The following CACNA2D3 variants were observed in gnomAD, a reference collection of about 807,000 sequenced individuals.
CACNA2D3 encodes the protein voltage-dependent calcium channel subunit alpha-2/delta-3.
In CACNA2D3, 60 loss-of-function variants were observed where a neutral mutation model predicts 160.6. The observed-to-expected ratio is 0.37, with a 90% CI of 0.30 to 0.46. The LOEUF is 0.46. CACNA2D3 is among the 20% of genes least tolerant of loss of function. CACNA2D3 has a pLI of 1.00. For missense variants in CACNA2D3, 1,205 were observed against 1,365.0 expected (o/e 0.88, Z 1.85); for synonymous variants, 558 against 492.9 (o/e 1.13, Z -1.75).
chr3:55,033,700 AT>A (rs1703729423), intron 35 of CACNA2D3, among the ~76,000 whole-genome samples: 1 of 52,518 alleles, frequency 1.9e-5, no homozygotes, highest in African/African-American at 5.0e-5. Context: ...CCCTTAAAAA[AT>A]ATATATAATA....
chr3:54,495,612 G>C (rs1701191354), intron 4 of CACNA2D3, among the ~76,000 whole-genome samples: 1 of 152,138 alleles, frequency 6.6e-6, no homozygotes, highest in Admixed American at 6.5e-5. Flanking sequence ...AGCAGGGTGT[G>C]GTGGTGCACA....
chr3:54,980,726 T>G (rs896643849), intron 29 of CACNA2D3, among the ~76,000 whole-genome samples: 2 of 152,114 alleles, frequency 1.3e-5, no homozygotes, highest in African/African-American at 4.8e-5. Flanking sequence ...TTATCTAGAG[T>G]CTAATGCTGC....
chr3:55,034,128 A>G (rs555066654), intron 35 of CACNA2D3, among the ~76,000 whole-genome samples: 6 of 151,368 alleles, frequency 4.0e-5, no homozygotes, highest in East Asian at 1.9e-4. Context: ...ATCCTTGGGG[A>G]AAAAAAATGC....
intron 27 of CACNA2D3, among the ~76,000 whole-genome samples, chr3:54,938,088 G>C (rs1701374914): frequency 6.6e-6 from 1 of 152,188 alleles, no homozygotes; most frequent in Non-Finnish European, 1.5e-5. Context: ...CTTTGATGTG[G>C]AGTTGGCAGT....
chr3:54,485,844 C>T (rs1701007623), intron 4 of CACNA2D3, among the ~76,000 whole-genome samples: 1 of 152,112 alleles, frequency 6.6e-6, no homozygotes, highest in Non-Finnish European at 1.5e-5. Flanking sequence ...GATTATAGGT[C>T]TGAGTGCCCG....
intron 27 of CACNA2D3, among the ~76,000 whole-genome samples, chr3:54,950,220 A>G (rs1172446845): frequency 6.6e-6 from 1 of 152,228 alleles, no homozygotes; most frequent in Non-Finnish European, 1.5e-5. Flanking sequence ...AAACTTCAAC[A>G]TGCTCAAGCA....
At chr3:54,711,831 G>A (rs938336025) in intron 11 of CACNA2D3, among the ~76,000 whole-genome samples, 9 of 152,194 alleles carry the variant, frequency 5.9e-5, no homozygotes, top group Admixed American at 4.6e-4. Context: ...TTGCCACTTG[G>A]AGTAGCTCCC....
intron 21 of CACNA2D3, among the ~76,000 whole-genome samples, chr3:54,881,491 T>C (rs1221562215): frequency 6.6e-6 from 1 of 152,248 alleles, no homozygotes; most frequent in African/African-American, 2.4e-5. Context: ...GCAGTTGTTA[T>C]AGCTCTTTAA....
At chr3:54,449,350 AC>A (rs1338526409) in intron 4 of CACNA2D3, among the ~76,000 whole-genome samples, 1 of 152,238 alleles carries the variant, frequency 6.6e-6, no homozygotes, top group Non-Finnish European at 1.5e-5. Flanking sequence ...TTAGGGCAAG[AC>A]AAGTTTACTC....
At position 54,221,485 on chromosome 3, in the gene CACNA2D3, T is replaced by A. The variant is rs577232675; in HGVS notation, c.204+97891T>A. ...TGCCTTTAACAAGAACCATTTGCGG[T>A]TGTTCCAAATGTGAACATTACATCT... is the stretch of plus-strand genomic sequence containing the variant. On this transcript the variant is annotated intron_variant, in intron 2 of 37. Coordinates refer to ENST00000474759, the MANE Select transcript of CACNA2D3 (RefSeq NM_018398.3). 2.1e-3 allele frequency among the ~76,000 whole-genome samples: 314 copies of A among 152,378 alleles called. 3 individuals are homozygous for A. The highest frequency in any genetic ancestry group is 1.3e-3 in the East Asian group (7 of 5,190).
At position 54,714,999 on chromosome 3, in the gene CACNA2D3, T is replaced by A. The variant is rs573816206; in HGVS notation, c.1168-37600T>A. ...ATCAACTGTCCAGCAGATTCTCCAG[T>A]AGATACGATACCAGCTGGGTTTCCT... is the stretch of plus-strand genomic sequence containing the variant. On this transcript the variant is annotated intron_variant, in intron 11 of 37. Coordinates refer to ENST00000474759, the MANE Select transcript of CACNA2D3 (RefSeq NM_018398.3). Among the ~76,000 whole-genome samples the A allele has an allele frequency of 7.1e-4, 108 of 152,226 alleles. 1 individual carries two copies. Among genetic ancestry groups the A allele is most frequent in the Non-Finnish European group, 2.2e-4 (15 of 68,038 alleles).
At chr3:54,603,313 C>G (rs903094250) in intron 9 of CACNA2D3, among the ~76,000 whole-genome samples, 1 of 152,196 alleles carries the variant, frequency 6.6e-6, no homozygotes, top group Non-Finnish European at 1.5e-5. Flanking sequence ...CAAAAGTGCT[C>G]AACTGTTTTC....
rs150805292 is a variant in CACNA2D3, at chr3:55,005,572, G to T, written c.2766+734G>T. 4.6e-3 allele frequency among the ~76,000 whole-genome samples: 693 copies of T among 152,170 alleles called. 7 individuals carry two copies. The highest frequency in any genetic ancestry group is 7.4e-3 in the Non-Finnish European group (505 of 68,012). On this transcript the variant is annotated intron_variant, in intron 32 of 37. Coordinates refer to ENST00000474759, the MANE Select transcript of CACNA2D3 (RefSeq NM_018398.3). ...TCCCTCTCCCCTAATCATGCCACTG[G>T]GTTTCAGCATCGTTTTCCCTGGAGC...
intron 9 of CACNA2D3, chr3:54,626,362 C>T (rs1222489546): frequency 1.2e-5 from 18 of 1,559,802 alleles, no homozygotes; most frequent in African/African-American, 1.3e-5. Flanking sequence ...GGGCCTGCGG[C>T]GGAAGCAGCA....
chr3:54,353,060 G>A (rs746054523), intron 3 of CACNA2D3, among the ~76,000 whole-genome samples: 16 of 152,176 alleles, frequency 1.1e-4, no homozygotes, highest in Admixed American at 3.9e-4. Context: ...ATTATTGATT[G>A]TAGTCAGCCT....
At chr3:54,314,359 A>G (rs62256061) in intron 2 of CACNA2D3, among the ~76,000 whole-genome samples, 24,588 of 152,184 alleles carry the variant, frequency 0.16, 2,077 homozygotes, top group East Asian at 0.26. Flanking sequence ...TTGTGCCACT[A>G]TAAGCATGTG....
rs1336553587 is a variant in CACNA2D3, at chr3:54,459,247, T to C, written c.382-44245T>C. ...CAATAAACATATGTGTGCATGTGTC[T>C]TTATAGCAGCATGATTTATAGTCCT... On this transcript the variant is annotated intron_variant, in intron 4 of 37. Transcript: ENST00000474759. 2.6e-5 allele frequency among the ~76,000 whole-genome samples: 4 copies of C among 151,714 alleles called. No homozygotes were observed. In the East Asian group the frequency reaches 7.7e-4, roughly 29 times the overall value.
intron 4 of CACNA2D3, among the ~76,000 whole-genome samples, chr3:54,475,690 T>C (rs551480162): frequency 2.6e-5 from 4 of 152,280 alleles, no homozygotes; most frequent in African/African-American, 7.2e-5. Flanking sequence ...CCCAGCTTTA[T>C]TGAGACATAA....
intron 2 of CACNA2D3, among the ~76,000 whole-genome samples, chr3:54,189,253 A>G (rs1330767349): frequency 6.6e-6 from 1 of 152,208 alleles, no homozygotes. Context: ...TTGCTTGGAT[A>G]GTCATAGCTG....
Sources: allele counts gnomAD v4.1 joint callset (sites outside exome capture counted in the v4.1 genomes callset), GRCh38; gene constraint gnomAD v4.1.1; transcripts MANE v1.5; gene names NCBI Gene and HGNC (gene_info 2026-07-23, HGNC 2026-07-21).